TTC28: variants seen among roughly 807,000 people sequenced by gnomAD.
TTC28 encodes the protein tetratricopeptide repeat protein 28.
A neutral mutation model predicts 198.0 loss-of-function variants in TTC28; 61 were observed. That is an observed-to-expected ratio of 0.31 (90% confidence interval 0.25 to 0.38). TTC28 has a LOEUF of 0.38. TTC28 is among the 10% of genes least tolerant of loss of function. TTC28 has a pLI of 1.00. For synonymous variants in TTC28, 1,171 were observed against 1,297.8 expected, an observed-to-expected ratio of 0.90 and a Z score of 2.10; for missense variants, 2,678 against 3,164.0, an observed-to-expected ratio of 0.85 and a Z score of 3.69.
intron 2 of TTC28, among the ~76,000 whole-genome samples, chr22:28,524,581 T>C (rs1245980057): frequency 1.3e-5 from 2 of 151,540 alleles, no homozygotes; most frequent in African/African-American, 4.9e-5. Context: ...TTCAAGACAA[T>C]CCTTGGCGAA....
intron 12 of TTC28, among the ~76,000 whole-genome samples, chr22:28,078,702 T>G (rs1191491304): frequency 6.6e-6 from 1 of 152,094 alleles, no homozygotes; most frequent in Non-Finnish European, 1.5e-5. Flanking sequence ...GGAGAAGCGC[T>G]TCATTTGCAG....
At chr22:28,315,130 T>C (rs1404502312) in intron 2 of TTC28, among the ~76,000 whole-genome samples, 1 of 152,118 alleles carries the variant, frequency 6.6e-6, no homozygotes, top group Non-Finnish European at 1.5e-5. Context: ...TTTGCTCTGC[T>C]CCCTAGAGAA....
intron 2 of TTC28, among the ~76,000 whole-genome samples, chr22:28,482,537 C>T (rs1476363966): frequency 6.6e-6 from 1 of 152,044 alleles, no homozygotes; most frequent in Middle Eastern, 3.2e-3. Flanking sequence ...GATCACACTC[C>T]TTAATCAAGC....
intron 5 of TTC28, among the ~76,000 whole-genome samples, chr22:28,166,805 C>A (rs566256227): frequency 2.0e-5 from 3 of 152,070 alleles, no homozygotes; most frequent in East Asian, 1.9e-4. Context: ...TAGCAGAAGG[C>A]AAGAAATAAC....
intron 5 of TTC28, among the ~76,000 whole-genome samples, chr22:28,180,857 A>G (rs913868671): frequency 1.3e-5 from 2 of 152,200 alleles, no homozygotes; most frequent in African/African-American, 2.4e-5. Context: ...ATGGTCTTAA[A>G]TTATTTCCTT....
At chr22:28,521,803 T>C (rs1239997674) in intron 2 of TTC28, among the ~76,000 whole-genome samples, 1 of 152,178 alleles carries the variant, frequency 6.6e-6, no homozygotes, top group Non-Finnish European at 1.5e-5. Context: ...CAGGAAATCT[T>C]TGAAAAGCAA....
chr22:27,983,153 T>G lies in TTC28; in HGVS notation c.6514A>C (p.Ser2172Arg). Residue 2172 changes from serine (S) to arginine (R), a missense_variant, in exon 23 of 23, where the codon AGT (serine) becomes CGT (arginine). Physicochemically the swap from Ser to Arg is moderately radical, Grantham distance 110 (BLOSUM62 -1). Coordinates refer to ENST00000397906, the MANE Select transcript of TTC28 (RefSeq NM_001145418.2). ...LAQKILEETQSHLIAVERLQR... is the reference protein window; with the variant it reads ...LAQKILEETQRHLIAVERLQR... Reference sequence around the variant, plus strand: ...AGACGCTCCACCGCAATGAGATGACTCTGTGTCTCCTCCAGAATTTTCTGG... The same window carrying G: ...AGACGCTCCACCGCAATGAGATGACGCTGTGTCTCCTCCAGAATTTTCTGG... 5.2e-6 allele frequency: 8 copies of G among 1,551,852 alleles called. No individual in the cohort carries two copies. The highest frequency in any genetic ancestry group is 7.0e-6 in the Non-Finnish European group (8 of 1,147,034).
chr22:28,675,160 T>C (rs535814416), intron 1 of TTC28, among the ~76,000 whole-genome samples: 2 of 152,180 alleles, frequency 1.3e-5, no homozygotes, highest in African/African-American at 2.4e-5. Flanking sequence ...TTTCAATATA[T>C]AGTGCTGGGA....
At chr22:28,077,503 T>G (rs990778112) in intron 12 of TTC28, among the ~76,000 whole-genome samples, 4 of 152,214 alleles carry the variant, frequency 2.6e-5, no homozygotes, top group Non-Finnish European at 5.9e-5. Context: ...GATGTGGTTA[T>G]GCCAATTTAC....
At chr22:28,322,044 C>G (rs547950011) in intron 2 of TTC28, among the ~76,000 whole-genome samples, 1 of 152,238 alleles carries the variant, frequency 6.6e-6, no homozygotes, top group Non-Finnish European at 1.5e-5. Flanking sequence ...ATTGGCCAGG[C>G]TGGTCTCGAA....
At chr22:28,302,509 AAAC>A (rs748180604) in intron 3 of TTC28, among the ~76,000 whole-genome samples, 4 of 152,324 alleles carry the variant, frequency 2.6e-5, no homozygotes, top group Non-Finnish European at 5.9e-5. Context: ...TTGACTTTCA[AAAC>A]AACATTAGGA....
chr22:28,066,517 A>G (rs546667770), intron 12 of TTC28, among the ~76,000 whole-genome samples: 4 of 152,110 alleles, frequency 2.6e-5, no homozygotes, highest in African/African-American at 9.6e-5. Context: ...GGTCACCACC[A>G]TTCTACTCTC....
intron 2 of TTC28, among the ~76,000 whole-genome samples, chr22:28,602,927 T>G (rs1254986862): frequency 6.6e-6 from 1 of 152,244 alleles, no homozygotes; most frequent in East Asian, 1.9e-4. Flanking sequence ...TCGCCCAGGC[T>G]GGAGTGCAGT....
chr22:28,506,865 A>G (rs2048620486), intron 2 of TTC28, among the ~76,000 whole-genome samples: 1 of 152,210 alleles, frequency 6.6e-6, no homozygotes, highest in South Asian at 2.1e-4. Context: ...ACAGAAAACA[A>G]CAACATCAAC....
rs1705160955 is a variant in TTC28, at chr22:27,978,307, C to T, written c.*3914G>A. ...TTGAAGGATCTGGCACAAACAAGGGCCCAGTTCACAAACCACAGGTACACT... is the reference window on the plus strand; with the variant it reads ...TTGAAGGATCTGGCACAAACAAGGGTCCAGTTCACAAACCACAGGTACACT... On this transcript the variant is annotated 3_prime_UTR_variant, in exon 23 of 23. Transcript: ENST00000397906. 1 of 152,196 alleles carries T rather than the reference C, an allele frequency of 6.6e-6. No homozygotes were observed. Among genetic ancestry groups the T allele is most frequent in the African/African-American group, 2.4e-5 (1 of 41,438 alleles). 9.4% of individuals were successfully genotyped at this position (152,196 alleles called of 1,614,324 possible).
At position 28,313,562 on chromosome 22, in the gene TTC28, G is replaced by A. The variant is rs928466401; in HGVS notation, c.382-6919C>T. The stretch of plus-strand genomic sequence containing the variant: ...GGGATGCAAGGCTGGTTCAATATAC[G>A]CAAATCAATAAACGTAATCCATCAC... On this transcript the variant is annotated intron_variant, in intron 2 of 22. Coordinates refer to ENST00000397906, the MANE Select transcript of TTC28 (RefSeq NM_001145418.2). Among the ~76,000 whole-genome samples the A allele has an allele frequency of 7.2e-5, 11 of 152,084 alleles. No individual in the cohort carries two copies. In the South Asian group the frequency reaches 1.5e-3, roughly 20 times the overall value.
chr22:28,108,088 T>C lies in TTC28; in HGVS notation c.1757A>G (p.Glu586Gly). The stretch of plus-strand genomic sequence containing the variant: ...GGCCTCGCTCTGGATGTCTCGTAGC[T>C]CCCGGGCGATGTTCAAGTGGTTCTG... ...HYQNHLNIAR[E>G]LRDIQSEARA... Residue 586 changes from glutamate to glycine, a missense_variant, in exon 7 of 23, where the codon GAG becomes GGG. Glu to Gly is a moderately conservative substitution (Grantham distance 98). This residue lies in a region of TTC28 where 775 missense variants were observed against 845.9 expected (regional missense o/e 0.92). Transcript: ENST00000397906. 1 of 1,551,550 alleles carries C rather than the reference T, an allele frequency of 6.4e-7. No homozygotes were observed. Among genetic ancestry groups the C allele is most frequent in the East Asian group, 2.4e-5 (1 of 40,914 alleles).
rs1942396596 is a variant in TTC28, at chr22:28,108,639, A to C, written c.1442-236T>G. Among the ~76,000 whole-genome samples, 3 of 152,258 alleles carry C rather than the reference A, an allele frequency of 2.0e-5. No homozygotes were observed. The South Asian group carries it at 6.2e-4, about 32-fold the overall frequency. ...TTATTACAAAAATAAGAATGTTTGT[A>C]CTACAAATACATATCTAAAATTAAA... On this transcript the variant is annotated intron_variant, in intron 6 of 22. Transcript: ENST00000397906.
In TTC28 at chr22:28,107,669, A is replaced by G; in HGVS notation, c.2176T>C (p.Cys726Arg). 1 of 1,551,786 alleles carries G rather than the reference A, an allele frequency of 6.4e-7. No individual in the cohort carries two copies. The highest frequency in any genetic ancestry group is 8.7e-7 in the Non-Finnish European group (1 of 1,147,008). Residue 726 changes from cysteine to arginine, a missense_variant, in exon 7 of 23, where the codon TGT (cysteine) becomes CGT (arginine). By Grantham distance (180) the Cys-to-Arg change is radical (BLOSUM62 -3). This residue lies in a region of TTC28 where 775 missense variants were observed against 845.9 expected (regional missense o/e 0.92). Transcript: ENST00000397906. ...ALGNLGDIFI[C>R]KKDINGAIKF... ...ATTGCACCATTTATATCTTTTTTAC[A>G]GATGAATATATCGCCCAGGTTTCCT... is the stretch of plus-strand genomic sequence containing the variant.
Sources: gnomAD v4.1 joint callset for allele counts (sites outside exome capture counted in the v4.1 genomes callset) on GRCh38, gnomAD v4.1.1 for gene constraint, gnomAD v4.1.1 regional missense constraint, MANE v1.5 for transcripts, NCBI Gene and HGNC (gene_info 2026-07-23, HGNC 2026-07-21) for gene names.